UBE2R2: variants seen among roughly 807,000 people sequenced by gnomAD.
The protein encoded by UBE2R2 is ubiquitin conjugating enzyme E2 R2.
UBE2R2 carries 1 observed loss-of-function variant against 27.8 expected under a neutral mutation model. The observed-to-expected ratio is 0.04, with a 90% CI of 0.01 to 0.17. UBE2R2 has a LOEUF of 0.17. Ranked by LOEUF, UBE2R2 falls within the 10% of genes least tolerant of loss-of-function variation. The pLI is 1.00. For synonymous variants in UBE2R2, 106 were observed against 113.3 expected (o/e 0.94, Z 0.41); for missense variants, 100 against 291.0 (o/e 0.34, Z 4.78).
chr9:33,912,662 T>G (rs572399735), intron 4 of UBE2R2, among the ~76,000 whole-genome samples: 32 of 152,058 alleles, frequency 2.1e-4, no homozygotes, highest in African/African-American at 7.0e-4. Flanking sequence ...GCCTTCCAGT[T>G]TATTGGCATT....
chr9:33,845,060 AG>A, intron 1 of UBE2R2, among the ~76,000 whole-genome samples: 1 of 151,748 alleles, frequency 6.6e-6, no homozygotes. Context: ...TGAGCCACCA[AG>A]CCCTGCCTTC....
At chr9:33,820,419 C>T (rs1251919007) in intron 1 of UBE2R2, among the ~76,000 whole-genome samples, 3 of 152,076 alleles carry the variant, frequency 2.0e-5, no homozygotes, top group African/African-American at 7.2e-5. Context: ...GAAGTTTGTT[C>T]GATTGTATTT....
chr9:33,855,016 T>C lies in UBE2R2; in HGVS notation c.178-31865T>C, dbSNP rs879551331. ...CATCAATGATGGGCATGATAGTTAA[T>C]TCATATTAACATTCCTGGCCATGAT... is the stretch of plus-strand genomic sequence containing the variant. On this transcript the variant is annotated intron_variant, in intron 1 of 4. Coordinates refer to ENST00000263228, the MANE Select transcript of UBE2R2 (RefSeq NM_017811.4). Among the ~76,000 whole-genome samples the C allele has an allele frequency of 2.6e-5, 4 of 151,682 alleles. No homozygotes were observed. In the South Asian group the frequency reaches 8.3e-4, roughly 31 times the overall value.
rs1052478929 is a variant in UBE2R2, at chr9:33,919,741, C to CTGGG, written c.*2505_*2508dup. The CTGGG allele has an allele frequency of 4.6e-5, 7 of 152,042 alleles. No individual in the cohort carries two copies. The highest frequency in any genetic ancestry group is 2.9e-5 in the Non-Finnish European group (2 of 68,008). 9.4% of individuals were successfully genotyped at this position (152,042 alleles called of 1,614,324 possible). On this transcript the variant is annotated 3_prime_UTR_variant, in exon 5 of 5. Coordinates refer to ENST00000263228, the MANE Select transcript of UBE2R2 (RefSeq NM_017811.4). ...GAGTTTGTAATTTTTTTTCCCCCTT[C>CTGGG]TGGGAGTGGAGGTCTCAGGCTCAAT...
chr9:33,834,541 A>G (rs1820570432), intron 1 of UBE2R2, among the ~76,000 whole-genome samples: 1 of 151,906 alleles, frequency 6.6e-6, no homozygotes. Context: ...ACCATCTTCC[A>G]TGACCTTGTC....
intron 3 of UBE2R2, among the ~76,000 whole-genome samples, chr9:33,911,310 A>G (rs1822480200): frequency 7.1e-6 from 1 of 140,238 alleles, no homozygotes; most frequent in African/African-American, 2.7e-5. Flanking sequence ...CGGGAGGCTG[A>G]GGCAGGCAGG....
chr9:33,884,781 C>G (rs1160382141), intron 1 of UBE2R2, among the ~76,000 whole-genome samples: 2 of 149,960 alleles, frequency 1.3e-5, no homozygotes, highest in Non-Finnish European at 1.5e-5. Context: ...TTTTTTTTCT[C>G]CTGTTGTATG....
chr9:33,830,357 A>G (rs1359725872), intron 1 of UBE2R2, among the ~76,000 whole-genome samples: 1 of 147,256 alleles, frequency 6.8e-6, no homozygotes, highest in Non-Finnish European at 1.5e-5. Flanking sequence ...GGGTTTCACC[A>G]TGTTGGCCAG....
chr9:33,852,547 G>C (rs1230488495), intron 1 of UBE2R2, among the ~76,000 whole-genome samples: 2 of 152,128 alleles, frequency 1.3e-5, no homozygotes, highest in African/African-American at 4.8e-5. Flanking sequence ...TGGGAGATTG[G>C]GCGAGGAGAA....
chr9:33,855,166 C>T (rs1227689955), intron 1 of UBE2R2, among the ~76,000 whole-genome samples: 1 of 152,064 alleles, frequency 6.6e-6, no homozygotes, highest in Non-Finnish European at 1.5e-5. Flanking sequence ...TTTTATTATT[C>T]CTTTTAGCAG....
At chr9:33,914,825 T>C (rs1222793100) in intron 4 of UBE2R2, among the ~76,000 whole-genome samples, 1 of 145,326 alleles carries the variant, frequency 6.9e-6, no homozygotes, top group Non-Finnish European at 1.5e-5. Flanking sequence ...CAAGACACCG[T>C]CTCAAAAGAA....
rs1315118319 is a variant in UBE2R2 at position 33,917,028 on chromosome 9, T to C, written c.508T>C (p.Ser170Pro). Reference sequence around the variant, plus strand: ...TCAACCTCCCTTCAGGAAACAAGTTTCAGCCACTAAGGCCGAAGCAGAAAA... The same window carrying C: ...TCAACCTCCCTTCAGGAAACAAGTTCCAGCCACTAAGGCCGAAGCAGAAAA... Reference protein sequence around the residue: ...EYAEIIRKQVSATKAEAEKDG... With the variant: ...EYAEIIRKQVPATKAEAEKDG... The change falls in exon 5 of 5, where the codon TCA (serine) becomes CCA (proline). Residue 170 changes from serine (S) to proline (P), a missense_variant. By Grantham distance (74) the Ser-to-Pro change is moderately conservative. Transcript: ENST00000263228. 1 of 1,614,074 alleles carries C rather than the reference T, an allele frequency of 6.2e-7. No homozygotes were observed.
At chr9:33,835,901 G>A (rs977667967) in intron 1 of UBE2R2, among the ~76,000 whole-genome samples, 7 of 152,182 alleles carry the variant, frequency 4.6e-5, no homozygotes, top group Non-Finnish European at 7.4e-5. Context: ...GCTTGTAGAA[G>A]AAAGTAAAGA....
At chr9:33,898,432 A>G (rs1340292768) in intron 2 of UBE2R2, among the ~76,000 whole-genome samples, 1 of 151,956 alleles carries the variant, frequency 6.6e-6, no homozygotes, top group Admixed American at 6.6e-5. Context: ...GTATCTAACC[A>G]TAAGGCAGTG....
intron 1 of UBE2R2, among the ~76,000 whole-genome samples, chr9:33,832,664 A>C (rs1381910751): frequency 1.3e-5 from 2 of 151,980 alleles, no homozygotes; most frequent in African/African-American, 4.8e-5. Flanking sequence ...CGTCTAAAAA[A>C]AAAAAAAAGA....
upstream of UBE2R2, among the ~76,000 whole-genome samples, chr9:33,815,400 G>T (rs1825729870): frequency 6.6e-6 from 1 of 152,196 alleles, no homozygotes; most frequent in Non-Finnish European, 1.5e-5. Context: ...GGGGGAACTG[G>T]GCGCCAGGTG....
At chr9:33,821,548 A>G (rs757703814) in intron 1 of UBE2R2, among the ~76,000 whole-genome samples, 4 of 152,108 alleles carry the variant, frequency 2.6e-5, no homozygotes, top group Admixed American at 6.5e-5. Flanking sequence ...TGCATTATTT[A>G]TCTAAAGCAT....
At chr9:33,830,403 C>T (rs1276983185) in intron 1 of UBE2R2, among the ~76,000 whole-genome samples, 4 of 150,194 alleles carry the variant, frequency 2.7e-5, no homozygotes, top group African/African-American at 7.3e-5. Flanking sequence ...GTGATCTGCC[C>T]GCCTCGGCCT....
chr9:33,860,998 C>T (rs1404709750), intron 1 of UBE2R2, among the ~76,000 whole-genome samples: 6 of 149,322 alleles, frequency 4.0e-5, no homozygotes, highest in Non-Finnish European at 8.9e-5. Flanking sequence ...TCGCTCTGTC[C>T]CCCAGGCTGG....
Sources: gnomAD v4.1 joint callset for allele counts (sites outside exome capture counted in the v4.1 genomes callset) on GRCh38, gnomAD v4.1.1 for gene constraint, MANE v1.5 for transcripts, NCBI Gene and HGNC (gene_info 2026-07-23, HGNC 2026-07-21) for gene names.